ARHGAP35: variants seen among roughly 807,000 people sequenced by gnomAD.
The protein encoded by ARHGAP35 is rho GTPase-activating protein 35.
A neutral mutation model predicts 111.1 loss-of-function variants in ARHGAP35; 15 were observed. That is an observed-to-expected ratio of 0.13 (90% CI 0.09 to 0.21). ARHGAP35 has a LOEUF of 0.21. Among genes scored for constraint, ARHGAP35 ranks in the 10% least tolerant of loss-of-function variants. The pLI is 1.00. For missense variants in ARHGAP35, 1,262 were observed against 1,873.0 expected, an observed-to-expected ratio of 0.67 and a Z score of 6.02; for synonymous variants, 643 against 710.3, an observed-to-expected ratio of 0.91 and a Z score of 1.51.
intron 2 of ARHGAP35, among the ~76,000 whole-genome samples, chr19:46,929,260 T>C (rs117514909): frequency 6.6e-6 from 1 of 152,268 alleles, no homozygotes; most frequent in Non-Finnish European, 1.5e-5. Context: ...AAGAATACAT[T>C]TGGAGCATAA....
intron 3 of ARHGAP35, chr19:46,948,024 C>T (rs1359386357): frequency 6.6e-6 from 1 of 152,202 alleles, no homozygotes; most frequent in East Asian, 1.9e-4. Flanking sequence ...CTCTCTGAAC[C>T]CTGTCCTCTT....
Position 46,918,912 on chromosome 19 carries a change from T to G in ARHGAP35, c.237T>G (p.Val79=), listed in dbSNP as rs879690206. 3 of 1,613,884 alleles carry G rather than the reference T, an allele frequency of 1.9e-6. No individual in the cohort carries two copies. The highest frequency in any genetic ancestry group is 2.5e-6 in the Non-Finnish European group (3 of 1,179,914). The change falls in exon 2 of 7, where the codon GTT becomes GTG. Residue 79 remains valine (V), a synonymous_variant. Coordinates refer to ENST00000672722, the MANE Select transcript of ARHGAP35 (RefSeq NM_004491.5). The surrounding 1 kb of genome is among the most constrained non-coding windows in gnomAD (Gnocchi z 5.4). ...ACCACTTTCTCTACTGGGGAGAAGT[T>G]AGCCGCTCCCTGGAGGATTGTGTGG... ...NNDHFLYWGE[V]SRSLEDCVEC...
intron 1 of ARHGAP35, among the ~76,000 whole-genome samples, chr19:46,876,939 T>C (rs978492997): frequency 6.6e-6 from 1 of 152,164 alleles, no homozygotes; most frequent in African/African-American, 2.4e-5. Context: ...AAGTTTTTCG[T>C]TTCCCAGTGC....
intron 1 of ARHGAP35, among the ~76,000 whole-genome samples, chr19:46,895,539 C>T (rs1297424754): frequency 1.3e-5 from 2 of 152,214 alleles, no homozygotes; most frequent in Non-Finnish European, 2.9e-5. Flanking sequence ...TGTTTTCTCA[C>T]AATTTAATGC....
intron 1 of ARHGAP35, among the ~76,000 whole-genome samples, chr19:46,889,028 C>G (rs1246628067): frequency 3.3e-5 from 5 of 151,520 alleles, no homozygotes; most frequent in African/African-American, 1.2e-4. Flanking sequence ...ACAAAAAACC[C>G]TGTTCTTGGA....
intron 2 of ARHGAP35, 113 bp from the exon 3 acceptor site, chr19:46,937,151 T>C (rs2056314298): frequency 7.6e-7 from 1 of 1,307,654 alleles, no homozygotes; most frequent in African/African-American, 1.5e-5. Context: ...CTTCTTGACA[T>C]TCTTTCTAGC....
At chr19:46,870,795 A>G (rs1266962344) in intron 1 of ARHGAP35, among the ~76,000 whole-genome samples, 1 of 152,172 alleles carries the variant, frequency 6.6e-6, no homozygotes, top group Non-Finnish European at 1.5e-5. Context: ...TTATGTATAT[A>G]CAAGGTGTAT....
rs540030573 is a variant in ARHGAP35 at position 46,918,006 on chromosome 19, G to A, written c.-188-482G>A. 4.6e-5 allele frequency among the ~76,000 whole-genome samples: 7 copies of A among 152,162 alleles called. No homozygotes were observed. The highest frequency in any genetic ancestry group is 1.3e-4 in the Admixed American group (2 of 15,284). ...TGGGATTACAGGCGTAAGCTACCACGCCCGGCCCAGGTTCCTGTTTTTGCA... is the reference window on the plus strand; with the variant it reads ...TGGGATTACAGGCGTAAGCTACCACACCCGGCCCAGGTTCCTGTTTTTGCA... On this transcript the variant is annotated intron_variant, in intron 1 of 6. Transcript: ENST00000672722. This position sits in a 1 kb window ranked among gnomAD's most constrained non-coding sequence, Gnocchi z 5.4.
At chr19:46,981,847 G>GTTTTT (rs1289490627) in intron 3 of ARHGAP35, among the ~76,000 whole-genome samples, 1 of 151,442 alleles carries the variant, frequency 6.6e-6, no homozygotes, top group Non-Finnish European at 1.5e-5. Context: ...GTTTTGTTTT[G>GTTTTT]TTTTGTTTTG....
At chr19:46,897,499 A>G (rs1349586213) in intron 1 of ARHGAP35, among the ~76,000 whole-genome samples, 1 of 150,054 alleles carries the variant, frequency 6.7e-6, no homozygotes, top group Non-Finnish European at 1.5e-5. Context: ...TTGGCTTAAT[A>G]TAATACCTGA....
rs572335456 is a variant in ARHGAP35 at position 46,924,563 on chromosome 19, G to GT, written c.3681+2211dup. Among the ~76,000 whole-genome samples the GT allele has an allele frequency of 2.2e-3, 337 of 152,312 alleles. 1 individual carries two copies. The highest frequency in any genetic ancestry group is 0.014 in the Middle Eastern group (4 of 294). On this transcript the variant is annotated intron_variant, in intron 2 of 6. Transcript: ENST00000672722. ...ATGGAGTCCTTTGTCTGCCTCCAGT[G>GT]TTTTCTCCTCCAAAGGTTGGTAGGA...
rs311381 is a variant in ARHGAP35 at position 46,926,541 on chromosome 19, G to C, written c.3681+4185G>C. On this transcript the variant is annotated intron_variant, in intron 2 of 6. Coordinates refer to ENST00000672722, the MANE Select transcript of ARHGAP35 (RefSeq NM_004491.5). The surrounding 1 kb of genome is among the most constrained non-coding windows in gnomAD (Gnocchi z 4.1). ...TATGCCTTTTGGTCATGCTGAAATG[G>C]CTGCGTTTGGTGTGTTTGACTGTGG... is the stretch of plus-strand genomic sequence containing the variant. 0.52 allele frequency among the ~76,000 whole-genome samples: 78,883 copies of C among 151,836 alleles called. 21,139 individuals carry two copies. Among genetic ancestry groups the C allele is most frequent in the Middle Eastern group, 0.7 (207 of 294 alleles).
At chr19:46,861,876 C>T (rs1047578943) in intron 1 of ARHGAP35, among the ~76,000 whole-genome samples, 4 of 151,894 alleles carry the variant, frequency 2.6e-5, no homozygotes, top group South Asian at 2.1e-4. Context: ...TGCCCCAGGT[C>T]TTCCCCTTGG....
At chr19:46,912,339 C>T (rs1474758010) in intron 1 of ARHGAP35, among the ~76,000 whole-genome samples, 2 of 148,448 alleles carry the variant, frequency 1.3e-5, no homozygotes, top group African/African-American at 2.5e-5. Flanking sequence ...TCACCGTGCC[C>T]GGCCAGTGTT....
At chr19:46,947,730 C>T (rs965592965) in intron 3 of ARHGAP35, 2 of 152,156 alleles carry the variant, frequency 1.3e-5, no homozygotes, top group Admixed American at 1.3e-4. Flanking sequence ...CCCAAGACTG[C>T]CCTCCACATC....
rs570206414 is a variant in ARHGAP35 at position 46,885,024 on chromosome 19, T to C, written c.-189+23815T>C. ...TGAGCCACTGTGCCTGGCCCAGGGG[T>C]CTATATCTAAATCCTAAAGCTTGCG... On this transcript the variant is annotated intron_variant, in intron 1 of 6. Coordinates refer to ENST00000672722, the MANE Select transcript of ARHGAP35 (RefSeq NM_004491.5). 1.5e-3 allele frequency among the ~76,000 whole-genome samples: 231 copies of C among 152,148 alleles called. 1 individual carries two copies. The highest frequency in any genetic ancestry group is 5.3e-3 in the African/African-American group (219 of 41,506).
chr19:47,000,289 G>C lies in ARHGAP35; in HGVS notation c.4143-42G>C. The stretch of plus-strand genomic sequence containing the variant: ...CCATGAGCGCCCAGGGCCAGGTGGG[G>C]CCCTGCACAGTTCTGACCATTGAGT... On this transcript the variant is annotated intron_variant, in intron 6 of 6. Coordinates refer to ENST00000672722, the MANE Select transcript of ARHGAP35 (RefSeq NM_004491.5). The surrounding 1 kb of genome is among the most constrained non-coding windows in gnomAD (Gnocchi z 6.9). 6.3e-7 allele frequency: 1 copy of C among 1,593,774 alleles called. No homozygotes were observed. The highest frequency in any genetic ancestry group is 1.1e-5 in the South Asian group (1 of 88,266).
At chr19:46,950,609 G>T (rs1276462136) in intron 3 of ARHGAP35, among the ~76,000 whole-genome samples, 2 of 152,212 alleles carry the variant, frequency 1.3e-5, no homozygotes, top group Admixed American at 6.5e-5. Flanking sequence ...GTGTGTTTTT[G>T]TATCTTCGGG....
At chr19:46,962,905 C>T (rs1449077428) in intron 3 of ARHGAP35, among the ~76,000 whole-genome samples, 1 of 152,220 alleles carries the variant, frequency 6.6e-6, no homozygotes, top group African/African-American at 2.4e-5. Flanking sequence ...GCCACTGCGC[C>T]CGGCCTCAAC....
Sources: gnomAD v4.1 joint callset for allele counts (sites outside exome capture counted in the v4.1 genomes callset) on GRCh38, gnomAD v4.1.1 for gene constraint, Gnocchi (gnomAD v3.1) non-coding constraint, MANE v1.5 for transcripts, NCBI Gene and HGNC (gene_info 2026-07-23, HGNC 2026-07-21) for gene names.